GABRB1: variants seen among roughly 807,000 people sequenced by gnomAD.
GABRB1 encodes gamma-aminobutyric acid type A receptor subunit beta1.
In GABRB1, 17 loss-of-function variants were observed where a neutral mutation model predicts 51.6. That is an observed-to-expected ratio of 0.33 (90% CI 0.23 to 0.49). The LOEUF (loss-of-function observed/expected upper bound fraction) is 0.49. GABRB1 is among the 20% of genes least tolerant of loss of function. GABRB1 has a pLI of 0.99. For synonymous variants in GABRB1, 247 were observed against 218.9 expected (o/e 1.13, Z -1.14); for missense variants, 410 against 600.6 (o/e 0.68, Z 3.32).
intron 4 of GABRB1, among the ~76,000 whole-genome samples, chr4:47,237,190 G>A (rs902793751): frequency 6.6e-6 from 1 of 151,964 alleles, no homozygotes; most frequent in Non-Finnish European, 1.5e-5. Context: ...TTTGCTATGA[G>A]TTTAACTTGG....
At chr4:47,112,584 C>A (rs565124210) in intron 3 of GABRB1, among the ~76,000 whole-genome samples, 14 of 152,232 alleles carry the variant, frequency 9.2e-5, no homozygotes, top group African/African-American at 3.1e-4. Flanking sequence ...AACTTATACA[C>A]CTGAAGATGA....
chr4:47,095,182 G>A (rs937290438), intron 3 of GABRB1, among the ~76,000 whole-genome samples: 7 of 151,784 alleles, frequency 4.6e-5, no homozygotes, highest in Admixed American at 3.9e-4. Flanking sequence ...TAAAAATGAG[G>A]AATTAATGCA....
At chr4:47,064,899 A>G (rs1203058867) in intron 3 of GABRB1, among the ~76,000 whole-genome samples, 1 of 152,208 alleles carries the variant, frequency 6.6e-6, no homozygotes, top group African/African-American at 2.4e-5. Context: ...GTGAAAGCCA[A>G]TAGGATTAAG....
intron 1 of GABRB1, among the ~76,000 whole-genome samples, chr4:47,012,666 C>G (rs192460722): frequency 2.4e-3 from 359 of 152,332 alleles, no homozygotes; most frequent in Middle Eastern, 6.8e-3. Flanking sequence ...TATTCGTATG[C>G]ATTCCTCAGT....
At chr4:47,355,515 G>A (rs1012594593) in intron 5 of GABRB1, among the ~76,000 whole-genome samples, 4 of 152,148 alleles carry the variant, frequency 2.6e-5, no homozygotes, top group African/African-American at 7.2e-5. Context: ...GGTGGGGGTA[G>A]AGAATTGTTT....
chr4:47,358,194 G>A (rs937253466), intron 5 of GABRB1, among the ~76,000 whole-genome samples: 1 of 152,006 alleles, frequency 6.6e-6, no homozygotes, highest in African/African-American at 2.4e-5. Flanking sequence ...ATAATGTATT[G>A]GTAGCTTGCA....
At position 47,406,927 on chromosome 4, in the gene GABRB1, G is replaced by C; in HGVS notation, c.1080+1G>C. 1 of 1,613,000 alleles carries C rather than the reference G, an allele frequency of 6.2e-7. No individual in the cohort carries two copies. The highest frequency in any genetic ancestry group is 8.5e-7 in the Non-Finnish European group (1 of 1,179,544). On this transcript the variant is annotated splice_donor_variant, in intron 8 of 8. Coordinates refer to ENST00000295454, the MANE Select transcript of GABRB1 (RefSeq NM_000812.4). LOFTEE classifies it high-confidence loss of function. The stretch of plus-strand genomic sequence containing the variant: ...TAAACTGGAGATGAATAAAGTCCAG[G>C]TAAGATATTAAATATTCCTAACAAT...
At chr4:47,095,193 A>G (rs1236097628) in intron 3 of GABRB1, among the ~76,000 whole-genome samples, 2 of 151,950 alleles carry the variant, frequency 1.3e-5, no homozygotes, top group Non-Finnish European at 2.9e-5. Flanking sequence ...AATTAATGCA[A>G]TTACTCATTT....
At chr4:47,299,113 T>G (rs1197139065) in intron 4 of GABRB1, among the ~76,000 whole-genome samples, 1 of 151,882 alleles carries the variant, frequency 6.6e-6, no homozygotes, top group Non-Finnish European at 1.5e-5. Context: ...GATTTAAATG[T>G]TAGACCTAAA....
chr4:47,308,391 G>A (rs1724544142), intron 4 of GABRB1, among the ~76,000 whole-genome samples: 1 of 152,014 alleles, frequency 6.6e-6, no homozygotes, highest in South Asian at 2.1e-4. Flanking sequence ...TGAATAGAAA[G>A]TAAATGTCTT....
chr4:47,203,900 G>T lies in GABRB1; in HGVS notation c.461+42431G>T, dbSNP rs964080127. ...GCCTTTTCCATTTGCTCATTCTGGG[G>T]TTGAGAAAATGAAAGCAAAATCCTC... On this transcript the variant is annotated intron_variant, in intron 4 of 8. Coordinates refer to ENST00000295454, the MANE Select transcript of GABRB1 (RefSeq NM_000812.4). 2.9e-4 allele frequency among the ~76,000 whole-genome samples: 44 copies of T among 152,082 alleles called. 1 individual carries two copies. The highest frequency in any genetic ancestry group is 1.0e-3 in the South Asian group (5 of 4,832).
chr4:47,224,187 G>A (rs1372498), intron 4 of GABRB1, among the ~76,000 whole-genome samples: 29,719 of 151,922 alleles, frequency 0.2, 3,033 homozygotes, highest in East Asian at 0.25. Context: ...CAAGCTGTGT[G>A]TTCCAACTGC....
intron 3 of GABRB1, among the ~76,000 whole-genome samples, chr4:47,135,121 G>GA (rs1364913942): frequency 1.6e-4 from 25 of 151,712 alleles, no homozygotes; most frequent in African/African-American, 4.8e-4. Context: ...TTCTGTCTCA[G>GA]AAAAAAAACA....
chr4:47,001,288 GC>G (rs1724199183), intron 1 of GABRB1, among the ~76,000 whole-genome samples: 2 of 151,706 alleles, frequency 1.3e-5, no homozygotes, highest in African/African-American at 4.8e-5. Flanking sequence ...GACTACAGGC[GC>G]CCCCCACCAC....
intron 4 of GABRB1, among the ~76,000 whole-genome samples, chr4:47,221,618 G>A (rs369586716): frequency 7.3e-5 from 11 of 151,692 alleles, no homozygotes; most frequent in Non-Finnish European, 1.2e-4. Context: ...TAGTTATGCC[G>A]TATAAAGGTG....
chr4:47,383,706 C>T (rs1184123573), intron 5 of GABRB1, among the ~76,000 whole-genome samples: 1 of 152,052 alleles, frequency 6.6e-6, no homozygotes, highest in Admixed American at 6.6e-5. Flanking sequence ...AGCTACCATA[C>T]TCCTCAAAAT....
intron 3 of GABRB1, among the ~76,000 whole-genome samples, chr4:47,048,475 C>T (rs1726197325): frequency 2.6e-5 from 4 of 152,110 alleles, no homozygotes; most frequent in Non-Finnish European, 5.9e-5. Flanking sequence ...GGATAAGAGC[C>T]TTACACATAG....
intron 4 of GABRB1, among the ~76,000 whole-genome samples, chr4:47,171,464 G>A (rs1243472004): frequency 1.3e-5 from 2 of 151,986 alleles, no homozygotes; most frequent in African/African-American, 2.4e-5. Context: ...GTCTTCTGCA[G>A]GACTCTCATC....
chr4:47,030,971 A>C (rs1427371147), upstream of GABRB1, among the ~76,000 whole-genome samples: 1 of 152,158 alleles, frequency 6.6e-6, no homozygotes, highest in Non-Finnish European at 1.5e-5. Flanking sequence ...GTGGAAGAAA[A>C]GTTGGCTTGC....
Sources: allele counts gnomAD v4.1 joint callset (sites outside exome capture counted in the v4.1 genomes callset), GRCh38; gene constraint gnomAD v4.1.1; transcripts MANE v1.5; gene names NCBI Gene and HGNC (gene_info 2026-07-23, HGNC 2026-07-21).